The following CFAP54 variants were observed in gnomAD, a reference collection of about 807,000 sequenced individuals.
The protein encoded by CFAP54 is cilia- and flagella-associated protein 54.
In CFAP54, 290 loss-of-function variants were observed where a neutral mutation model predicts 370.4. The ratio of observed to expected loss-of-function variants is 0.78; its 90% CI spans 0.71 to 0.86. The LOEUF is 0.86. Ranked by LOEUF, CFAP54 falls within the 40% of genes least tolerant of loss-of-function variation. CFAP54 has a pLI of 0.00. For missense variants in CFAP54, 3,399 were observed against 3,528.7 expected, an observed-to-expected ratio of 0.96 and a Z score of 0.93; for synonymous variants, 1,206 against 1,236.5, an observed-to-expected ratio of 0.98 and a Z score of 0.52.
intron 19 of CFAP54, among the ~76,000 whole-genome samples, chr12:96,576,193 A>C (rs1480995549): frequency 1.3e-5 from 2 of 152,022 alleles, no homozygotes; most frequent in Non-Finnish European, 2.9e-5. Context: ...TGAGAGTCAC[A>C]CTTCAGCTGA....
intron 1 of CFAP54, 86 bp from the exon 2 acceptor site, chr12:96,500,748 A>C: frequency 1.2e-6 from 1 of 818,700 alleles, no homozygotes; most frequent in South Asian, 1.8e-5. Context: ...GCTTTAGCAT[A>C]AGGTAAGTTT....
intron 1 of CFAP54, among the ~76,000 whole-genome samples, chr12:96,499,982 CAAAA>C (rs1555217899): frequency 1.4e-5 from 2 of 146,554 alleles, no homozygotes; most frequent in African/African-American, 2.5e-5. Flanking sequence ...CAAAACAAAA[CAAAA>C]AAAACCGTGC....
intron 1 of CFAP54, among the ~76,000 whole-genome samples, chr12:96,491,707 A>T (rs1954887249): frequency 1.3e-5 from 2 of 152,210 alleles, no homozygotes; most frequent in Non-Finnish European, 2.9e-5. Flanking sequence ...GCCAAGTAAG[A>T]TGAGAACCAA....
intron 26 of CFAP54, among the ~76,000 whole-genome samples, chr12:96,606,907 C>A (rs1189277817): frequency 6.6e-6 from 1 of 152,144 alleles, no homozygotes; most frequent in African/African-American, 2.4e-5. Flanking sequence ...TATCTGCCTG[C>A]CTGTTTTTAT....
At chr12:96,518,507 T>C (rs1428505733) in intron 5 of CFAP54, among the ~76,000 whole-genome samples, 2 of 152,072 alleles carry the variant, frequency 1.3e-5, no homozygotes, top group Non-Finnish European at 2.9e-5. Context: ...GTCAACGTGG[T>C]AAAACCCCCT....
intron 9 of CFAP54, among the ~76,000 whole-genome samples, chr12:96,530,910 G>A (rs1955434967): frequency 6.6e-6 from 1 of 152,054 alleles, no homozygotes; most frequent in South Asian, 2.1e-4. Flanking sequence ...ACTTTAATTT[G>A]CATTTCCCTA....
chr12:96,533,900 T>C lies in CFAP54; in HGVS notation c.1466T>C (p.Ile489Thr). The change falls in exon 10 of 68, where the codon ATA (isoleucine) becomes ACA (threonine). Residue 489 changes from isoleucine (I) to threonine (T), a missense_variant. Ile to Thr is a moderately conservative substitution (Grantham distance 89, BLOSUM62 -1). Coordinates refer to ENST00000524981, the MANE Select transcript of CFAP54 (RefSeq NM_001306084.2). Reference sequence around the variant, plus strand: ...TCTGTGGATGCTGCTGTGAAATTTATAAAATTAGCTTTTACCTATGAGGAG... The same window carrying C: ...TCTGTGGATGCTGCTGTGAAATTTACAAAATTAGCTTTTACCTATGAGGAG... The part of the protein sequence containing the change: ...VISVDAAVKF[I>T]KLAFTYEEWS... 1.3e-6 allele frequency: 2 copies of C among 1,535,322 alleles called. No individual in the cohort carries two copies. Among genetic ancestry groups the C allele is most frequent in the Non-Finnish European group, 8.7e-7 (1 of 1,146,404 alleles).
At position 96,598,786 on chromosome 12, in the gene CFAP54, A is replaced by G. The variant is rs1565908723; in HGVS notation, c.3639+19A>G. On this transcript the variant is annotated intron_variant, in intron 26 of 67. Coordinates refer to ENST00000524981, the MANE Select transcript of CFAP54 (RefSeq NM_001306084.2). ...AACAAAGGTATTTATCTCATTCTTT[A>G]TCTAGTATTATAATATTTAGGAGCG... 1.9e-5 allele frequency: 11 copies of G among 570,942 alleles called. No individual in the cohort carries two copies. Among genetic ancestry groups the G allele is most frequent in the East Asian group, 1.2e-4 (4 of 34,426 alleles). 35.4% of individuals were successfully genotyped at this position (570,942 alleles called of 1,614,324 possible).
chr12:96,531,343 C>A lies in CFAP54; in HGVS notation c.1358-2449C>A, dbSNP rs559220580. On this transcript the variant is annotated intron_variant, in intron 9 of 67. Coordinates refer to ENST00000524981, the MANE Select transcript of CFAP54 (RefSeq NM_001306084.2). Reference sequence around the variant, plus strand: ...TGTTGTTTTATAGATGTATCTTTTACAATTTTCTCTTTCTTATGACATTCT... The same window carrying A: ...TGTTGTTTTATAGATGTATCTTTTAAAATTTTCTCTTTCTTATGACATTCT... Among the ~76,000 whole-genome samples the A allele has an allele frequency of 5.1e-3, 769 of 152,006 alleles. 3 individuals carry two copies. Among genetic ancestry groups the A allele is most frequent in the Non-Finnish European group, 8.6e-3 (586 of 67,960 alleles).
intron 42 of CFAP54, among the ~76,000 whole-genome samples, chr12:96,686,851 C>G (rs1957336003): frequency 6.6e-6 from 1 of 152,218 alleles, no homozygotes; most frequent in South Asian, 2.1e-4. Flanking sequence ...ATAATACATA[C>G]TGTATTAGTG....
rs556104055 is a variant in CFAP54 at position 96,578,128 on chromosome 12, T to C, written c.2796+1367T>C. The stretch of plus-strand genomic sequence containing the variant: ...ATTTGGTAATATTTTTTGTGGATTC[T>C]GTCCAATGAGCATTTATTGAGTGCC... On this transcript the variant is annotated intron_variant, in intron 20 of 67. Coordinates refer to ENST00000524981, the MANE Select transcript of CFAP54 (RefSeq NM_001306084.2). 4.6e-5 allele frequency among the ~76,000 whole-genome samples: 7 copies of C among 152,314 alleles called. No individual in the cohort carries two copies. The East Asian group carries it at 1.2e-3, about 25-fold the overall frequency.
Position 96,708,775 on chromosome 12 carries a change from G to C in CFAP54, c.6696G>C (p.Lys2232Asn), listed in dbSNP as rs763678807. 3.1e-5 allele frequency: 49 copies of C among 1,602,614 alleles called. No individual in the cohort carries two copies. The highest frequency in any genetic ancestry group is 3.6e-5 in the Non-Finnish European group (42 of 1,174,830). The change falls in exon 48 of 68, where the codon AAG (lysine) becomes AAC (asparagine). Residue 2232 changes from lysine to asparagine, a missense_variant. Around this residue, in one of 3 missense-constraint regions of CFAP54, gnomAD observed 2,796 missense variants for 2,869.7 expected, o/e 0.97. Transcript: ENST00000524981. ...ENKFKTVITN[K>N]SKPNLPNLEE... is the part of the protein sequence containing the mutation. ...AATTTAAGACAGTAATTACCAACAAGAGCAAACCAAACCTACCAAACTTGG... is the reference window on the plus strand; with the variant it reads ...AATTTAAGACAGTAATTACCAACAACAGCAAACCAAACCTACCAAACTTGG...
Position 96,496,444 on chromosome 12 carries a change from A to G in CFAP54, c.318-4390A>G, listed in dbSNP as rs371106818. On this transcript the variant is annotated intron_variant, in intron 1 of 67. Coordinates refer to ENST00000524981, the MANE Select transcript of CFAP54 (RefSeq NM_001306084.2). Reference sequence around the variant, plus strand: ...TGGAAGTCCCAGATCAAGGTCCAGCAGGGTTGGTTTCTCATGAGGACTCCT... The same window carrying G: ...TGGAAGTCCCAGATCAAGGTCCAGCGGGGTTGGTTTCTCATGAGGACTCCT... 2.0e-4 allele frequency among the ~76,000 whole-genome samples: 30 copies of G among 152,342 alleles called. No homozygotes were observed. The South Asian group carries it at 3.9e-3, about 20-fold the overall frequency.
At chr12:96,704,414 G>A (rs1211798258) in intron 46 of CFAP54, among the ~76,000 whole-genome samples, 14 of 112,248 alleles carry the variant, frequency 1.2e-4, no homozygotes, top group African/African-American at 4.0e-4. Context: ...GCGACAGAGC[G>A]AGACTCGGTC....
In CFAP54 at chr12:96,744,011, T is replaced by A; in HGVS notation, c.7558-9T>A. ...TAATTGCTCATTACAATATTTGTTTTTTTAATAGATGCTAGCTTTTGGAGA... is the reference window on the plus strand; with the variant it reads ...TAATTGCTCATTACAATATTTGTTTATTTAATAGATGCTAGCTTTTGGAGA... On this transcript the variant is annotated splice_polypyrimidine_tract_variant and intron_variant, in intron 54 of 67. Coordinates refer to ENST00000524981, the MANE Select transcript of CFAP54 (RefSeq NM_001306084.2). The A allele has an allele frequency of 3.1e-6, 5 of 1,606,194 alleles. No homozygotes were observed. Among genetic ancestry groups the A allele is most frequent in the Non-Finnish European group, 4.2e-6 (5 of 1,177,824 alleles).
intron 55 of CFAP54, among the ~76,000 whole-genome samples, 155 bp from the exon 56 acceptor site, chr12:96,753,588 A>G (rs1351660340): frequency 4.6e-5 from 7 of 152,196 alleles, no homozygotes; most frequent in African/African-American, 7.2e-5. Flanking sequence ...TGGGTATTAT[A>G]TGTCTTTAAA....
chr12:96,568,780 G>T (rs995033979), intron 19 of CFAP54, among the ~76,000 whole-genome samples: 1 of 152,096 alleles, frequency 6.6e-6, no homozygotes, highest in Non-Finnish European at 1.5e-5. Context: ...TTCTGACTCT[G>T]TGGATCTGGA....
chr12:96,590,684 G>T lies in CFAP54; in HGVS notation c.3212+1121G>T, dbSNP rs955519282. Among the ~76,000 whole-genome samples, 3 of 152,344 alleles carry T rather than the reference G, an allele frequency of 2.0e-5. No individual in the cohort carries two copies. In the East Asian group the frequency reaches 5.8e-4, roughly 29 times the overall value. On this transcript the variant is annotated intron_variant, in intron 23 of 67. Transcript: ENST00000524981. ...ACAGGACTTAGATATTATGCGACTT[G>T]TGGGGATAAGAGAGAAAGGAGTGAA...
rs568828528 is a variant in CFAP54, at chr12:96,751,019, AT to A, written c.7685-2716del. On this transcript the variant is annotated intron_variant, in intron 55 of 67. Coordinates refer to ENST00000524981, the MANE Select transcript of CFAP54 (RefSeq NM_001306084.2). Reference sequence around the variant, plus strand: ...GTGTCACACAAATGGACTACTTAAAATTTTTTTTCATGTGAAAGTCTCTGAT... The same window carrying A: ...GTGTCACACAAATGGACTACTTAAAATTTTTTTCATGTGAAAGTCTCTGAT... Among the ~76,000 whole-genome samples the A allele has an allele frequency of 6.4e-3, 979 of 152,214 alleles. 11 individuals are homozygous for A. The highest frequency in any genetic ancestry group is 0.022 in the African/African-American group (917 of 41,544).
Sources: gnomAD v4.1 joint callset for allele counts (sites outside exome capture counted in the v4.1 genomes callset) on GRCh38, gnomAD v4.1.1 for gene constraint, gnomAD v4.1.1 regional missense constraint, MANE v1.5 for transcripts, NCBI Gene and HGNC (gene_info 2026-07-23, HGNC 2026-07-21) for gene names.